The following PPP1R13B variants were observed in gnomAD, a reference collection of about 807,000 sequenced individuals.
PPP1R13B encodes protein phosphatase 1 regulatory subunit 13B, also known as apoptosis-stimulating of p53 protein 1.
Under a neutral mutation model 119.8 loss-of-function variants are expected in PPP1R13B, and 44 were observed. The observed-to-expected ratio is 0.37, with a 90% CI of 0.29 to 0.47. PPP1R13B has a LOEUF of 0.47. PPP1R13B is among the 20% of genes least tolerant of loss of function. PPP1R13B has a pLI of 0.99. For missense variants in PPP1R13B, 1,227 were observed against 1,413.5 expected, an observed-to-expected ratio of 0.87 and a Z score of 2.12; for synonymous variants, 542 against 561.5, an observed-to-expected ratio of 0.97 and a Z score of 0.49.
chr14:103,822,917 C>A (rs556963616), intron 1 of PPP1R13B, among the ~76,000 whole-genome samples: 1 of 152,170 alleles, frequency 6.6e-6, no homozygotes, highest in East Asian at 1.9e-4. Flanking sequence ...ATCATCCCCA[C>A]GTTACAGATG....
intron 1 of PPP1R13B, among the ~76,000 whole-genome samples, chr14:103,838,199 ACT>A (rs2086821272): frequency 7.3e-6 from 1 of 137,120 alleles, no homozygotes; most frequent in South Asian, 2.2e-4. Context: ...ATCAAGTCTA[ACT>A]CTGTTATGGC....
In PPP1R13B at chr14:103,740,444, CG is replaced by C; in HGVS notation, c.1971del (p.Ala658GlnfsTer48). On this transcript the variant is annotated frameshift_variant, in exon 12 of 17. Transcript: ENST00000202556. LOFTEE classifies it high-confidence loss of function. This position sits in a 1 kb window ranked among gnomAD's most constrained non-coding sequence, Gnocchi z 4.6. ...KEPEQDGPAA[P>X]ADGSTVESLP... ...AGGCTCTCCACGGTGCTGCCATCTG[CG>C]GGGGCGGCGGGGCCATCCTGCTCAG... 3 of 1,605,524 alleles carry C rather than the reference CG, an allele frequency of 1.9e-6. No homozygotes were observed. The highest frequency in any genetic ancestry group is 1.7e-4 in the Middle Eastern group (1 of 6,022).
In PPP1R13B at chr14:103,784,852, C is replaced by T. The variant is rs1164746120; in HGVS notation, c.220G>A (p.Glu74Lys). The change falls in exon 3 of 17, where the codon GAA becomes AAA. Residue 74 changes from glutamate to lysine, a missense_variant. Transcript: ENST00000202556. Reference sequence around the variant, plus strand: ...TGTCGAAGGAAAAATTTCACTTCTTCCCTCCGTGGACCCCATTTCTGAAGA... The same window carrying T: ...TGTCGAAGGAAAAATTTCACTTCTTTCCTCCGTGGACCCCATTTCTGAAGA... Reference protein sequence around the residue: ...EHLQKWGPRREEVKFFLRHED... With the variant: ...EHLQKWGPRRKEVKFFLRHED... 1.9e-6 allele frequency: 3 copies of T among 1,607,784 alleles called. No homozygotes were observed. In the South Asian group the frequency reaches 3.3e-5, roughly 18 times the overall value.
Position 103,742,747 on chromosome 14 carries a change from G to A in PPP1R13B, c.1227C>T (p.Asp409=). 1 of 1,614,182 alleles carries A rather than the reference G, an allele frequency of 6.2e-7. No individual in the cohort carries two copies. Among genetic ancestry groups the A allele is most frequent in the Non-Finnish European group, 8.5e-7 (1 of 1,180,042 alleles). The change falls in exon 10 of 17, where the codon GAC becomes GAT. Residue 409 remains aspartate, a synonymous_variant. Coordinates refer to ENST00000202556, the MANE Select transcript of PPP1R13B (RefSeq NM_015316.3). This position sits in a 1 kb window ranked among gnomAD's most constrained non-coding sequence, Gnocchi z 4.9. Reference sequence around the variant, plus strand: ...ACCCCTCCACGCTCGGATCCTTCCAGTCTGCACCGGCCACCTGCACTGGTT... The same window carrying A: ...ACCCCTCCACGCTCGGATCCTTCCAATCTGCACCGGCCACCTGCACTGGTT... ...SVKPVQVAGA[D]WKDPSVEGSV...
At chr14:103,831,573 A>G (rs1319476266) in intron 1 of PPP1R13B, among the ~76,000 whole-genome samples, 6 of 150,822 alleles carry the variant, frequency 4.0e-5, no homozygotes, top group African/African-American at 1.2e-4. Context: ...AGCCTCCCAA[A>G]GTGCTGGGAT....
chr14:103,816,687 AT>A (rs1186373331), intron 1 of PPP1R13B, among the ~76,000 whole-genome samples: 3 of 150,506 alleles, frequency 2.0e-5, no homozygotes, highest in African/African-American at 4.9e-5. Flanking sequence ...AAAAAAAAAA[AT>A]TATTTCCTTT....
intron 14 of PPP1R13B, 107 bp from the exon 15 acceptor site, chr14:103,737,967 G>A (rs1407802287): frequency 1.6e-6 from 2 of 1,250,214 alleles, no homozygotes; most frequent in African/African-American, 1.5e-5. Context: ...GTTCACCTTT[G>A]TGCCATCAAG....
At chr14:103,780,409 C>A (rs925802784) in intron 3 of PPP1R13B, among the ~76,000 whole-genome samples, 1 of 145,384 alleles carries the variant, frequency 6.9e-6, no homozygotes, top group Non-Finnish European at 1.5e-5. Flanking sequence ...ATCACTTGAG[C>A]CCAGGAGGCA....
intron 4 of PPP1R13B, among the ~76,000 whole-genome samples, chr14:103,774,856 AG>A (rs2085150784): frequency 6.6e-6 from 1 of 152,230 alleles, no homozygotes; most frequent in African/African-American, 2.4e-5. Flanking sequence ...TAAGCTTAAA[AG>A]GTAGATGTGT....
intron 1 of PPP1R13B, among the ~76,000 whole-genome samples, chr14:103,823,460 G>A (rs2086460594): frequency 6.6e-6 from 1 of 152,180 alleles, no homozygotes; most frequent in African/African-American, 2.4e-5. Context: ...AGGGAGAACA[G>A]TGTTCACATA....
At chr14:103,797,215 G>T in intron 2 of PPP1R13B, 156 bp downstream of exon 2, 2 of 600,526 alleles carry the variant, frequency 3.3e-6, no homozygotes, top group Non-Finnish European at 5.4e-6. Flanking sequence ...AGAACTACAA[G>T]CAATATTTTC....
rs912092798 is a variant in PPP1R13B at position 103,739,395 on chromosome 14, T to C, written c.2593-372A>G. The C allele has an allele frequency of 6.1e-5, 19 of 309,928 alleles. 1 individual carries two copies. The highest frequency in any genetic ancestry group is 2.2e-4 in the East Asian group (4 of 17,988). The allele number at this position is 309,928 out of a possible 1,614,324, so 19.2% of individuals were successfully genotyped here. ...ACATGCGACAGGGTTCTTCCTGCTATGGCACCAGATCCTAGTGGAGAGAAT... is the reference window on the plus strand; with the variant it reads ...ACATGCGACAGGGTTCTTCCTGCTACGGCACCAGATCCTAGTGGAGAGAAT... On this transcript the variant is annotated intron_variant, in intron 12 of 16. Transcript: ENST00000202556.
intron 4 of PPP1R13B, among the ~76,000 whole-genome samples, chr14:103,773,545 G>A (rs1327123796): frequency 7.2e-5 from 11 of 152,128 alleles, no homozygotes; most frequent in Non-Finnish European, 5.9e-5. Context: ...ACAAAAGCGG[G>A]ACTAACAGCA....
In PPP1R13B at chr14:103,836,651, T is replaced by C. The variant is rs188192574; in HGVS notation, c.9+10648A>G. Among the ~76,000 whole-genome samples the C allele has an allele frequency of 2.1e-3, 315 of 151,788 alleles. 2 individuals carry two copies. The highest frequency in any genetic ancestry group is 6.7e-3 in the African/African-American group (278 of 41,380). On this transcript the variant is annotated intron_variant, in intron 1 of 16. Coordinates refer to ENST00000202556, the MANE Select transcript of PPP1R13B (RefSeq NM_015316.3). ...TGGGCGTGGTGGCACGCACCTGTAA[T>C]CTCAGCTACTCGGGAGGCTGAGGCA...
At chr14:103,818,933 G>A (rs963183859) in intron 1 of PPP1R13B, among the ~76,000 whole-genome samples, 1 of 152,112 alleles carries the variant, frequency 6.6e-6, no homozygotes, top group East Asian at 1.9e-4. Flanking sequence ...ACTGGGAATG[G>A]GGCAATTTTA....
chr14:103,776,841 C>A (rs1183031566), intron 4 of PPP1R13B, among the ~76,000 whole-genome samples: 1 of 149,704 alleles, frequency 6.7e-6, no homozygotes, highest in African/African-American at 2.5e-5. Context: ...CACTGCACTC[C>A]AGCCTGGGCG....
chr14:103,833,249 T>C (rs2152078902), intron 1 of PPP1R13B, among the ~76,000 whole-genome samples: 1 of 152,338 alleles, frequency 6.6e-6, no homozygotes, highest in Non-Finnish European at 1.5e-5. Context: ...TCTACCACTT[T>C]TCCAGCCTCA....
chr14:103,799,326 A>C (rs4906372), intron 1 of PPP1R13B, among the ~76,000 whole-genome samples: 67,695 of 151,794 alleles, frequency 0.45, 15,587 homozygotes, highest in African/African-American at 0.56. Flanking sequence ...CTACAGGCGC[A>C]CGTCACTACG....
At chr14:103,753,226 AAGATTT>A (rs1368549106) in intron 6 of PPP1R13B, 30 bp from the exon 7 acceptor site, 1 of 1,559,236 alleles carries the variant, frequency 6.4e-7, no homozygotes, top group Non-Finnish European at 8.6e-7. Flanking sequence ...AAAAGAATAA[AAGATTT>A]AGTTGATCCT....
Sources: gnomAD v4.1 joint callset for allele counts (sites outside exome capture counted in the v4.1 genomes callset) on GRCh38, gnomAD v4.1.1 for gene constraint, Gnocchi (gnomAD v3.1) non-coding constraint, MANE v1.5 for transcripts, NCBI Gene and HGNC (gene_info 2026-07-23, HGNC 2026-07-21) for gene names.